PDZRN3: variants seen among roughly 807,000 people sequenced by gnomAD.
The protein encoded by PDZRN3 is E3 ubiquitin-protein ligase PDZRN3.
Under a neutral mutation model 85.7 loss-of-function variants are expected in PDZRN3, and 38 were observed. The ratio of observed to expected loss-of-function variants is 0.44; its 90% CI spans 0.34 to 0.58. The LOEUF (loss-of-function observed/expected upper bound fraction) is 0.58. Among genes scored for constraint, PDZRN3 ranks in the 20% least tolerant of loss-of-function variants. The pLI is 0.01. For missense variants in PDZRN3, 1,629 were observed against 1,506.4 expected, an observed-to-expected ratio of 1.08 and a Z score of -1.35; for synonymous variants, 759 against 638.0, an observed-to-expected ratio of 1.19 and a Z score of -2.86.
intron 3 of PDZRN3, among the ~76,000 whole-genome samples, chr3:73,422,297 C>T (rs1278320999): frequency 1.3e-5 from 2 of 152,198 alleles, no homozygotes; most frequent in South Asian, 2.1e-4. Flanking sequence ...CTGCAACTTA[C>T]CAGCTGTGTG....
chr3:73,415,584 C>T (rs986536973), intron 3 of PDZRN3, among the ~76,000 whole-genome samples: 11 of 152,136 alleles, frequency 7.2e-5, no homozygotes, highest in Non-Finnish European at 1.3e-4. Flanking sequence ...ACTGCACTTT[C>T]GGTATCCACA....
intron 3 of PDZRN3, chr3:73,404,711 C>T: frequency 3.1e-6 from 1 of 318,500 alleles, no homozygotes; most frequent in Non-Finnish European, 5.8e-6. Flanking sequence ...CCTCAGGCTC[C>T]GAGCCTTTAT....
At chr3:73,435,625 TG>T (rs1702516909) in intron 3 of PDZRN3, among the ~76,000 whole-genome samples, 5 of 152,194 alleles carry the variant, frequency 3.3e-5, no homozygotes, top group Admixed American at 3.3e-4. Flanking sequence ...GAGTCTGGTC[TG>T]TTCGACCCCA....
chr3:73,474,556 G>A (rs1181196240), intron 3 of PDZRN3: 1 of 1,286,758 alleles, frequency 7.8e-7, no homozygotes, highest in Non-Finnish European at 1.0e-6. Context: ...TTGACTCAGT[G>A]AAGCAAGGCA....
chr3:73,540,258 A>T (rs1185964259), intron 3 of PDZRN3, among the ~76,000 whole-genome samples: 1 of 151,684 alleles, frequency 6.6e-6, no homozygotes, highest in Admixed American at 6.6e-5. Flanking sequence ...TATATAGCTA[A>T]AAAAAAATGT....
At chr3:73,408,573 TG>T (rs1274878098) in intron 3 of PDZRN3, among the ~76,000 whole-genome samples, 3 of 148,288 alleles carry the variant, frequency 2.0e-5, no homozygotes, top group African/African-American at 7.7e-5. Context: ...GCCCTCGAGT[TG>T]GGATTCTTGG....
chr3:73,394,375 C>T (rs1020122324), intron 5 of PDZRN3, among the ~76,000 whole-genome samples: 2 of 152,118 alleles, frequency 1.3e-5, no homozygotes, highest in African/African-American at 2.4e-5. Flanking sequence ...CTGCGTTTAG[C>T]CTTCAACACC....
intron 3 of PDZRN3, among the ~76,000 whole-genome samples, chr3:73,489,344 T>C (rs151160581): frequency 2.0e-5 from 3 of 152,302 alleles, no homozygotes; most frequent in East Asian, 1.9e-4. Flanking sequence ...TATTTTCATT[T>C]TGCACTGGTC....
intron 3 of PDZRN3, among the ~76,000 whole-genome samples, chr3:73,596,186 C>T (rs1702428195): frequency 6.6e-6 from 1 of 151,942 alleles, no homozygotes; most frequent in African/African-American, 2.4e-5. Flanking sequence ...AATGTGACCA[C>T]CAAATTATAA....
At chr3:73,435,653 T>C (rs115907942) in intron 3 of PDZRN3, among the ~76,000 whole-genome samples, 2,104 of 152,258 alleles carry the variant, frequency 0.014, 46 homozygotes, top group African/African-American at 0.045. Context: ...ATCTCAAACC[T>C]GTCCATTCTG....
intron 8 of PDZRN3, among the ~76,000 whole-genome samples, chr3:73,386,555 T>G (rs759992427): frequency 1.7e-4 from 26 of 152,342 alleles, no homozygotes; most frequent in African/African-American, 5.8e-4. Context: ...TATTCAGAAG[T>G]TGGCACTCTA....
intron 3 of PDZRN3, among the ~76,000 whole-genome samples, chr3:73,466,611 A>C (rs1703223495): frequency 6.6e-6 from 1 of 152,120 alleles, no homozygotes; most frequent in Non-Finnish European, 1.5e-5. Context: ...GAGGAAATAA[A>C]AGACATGCAG....
chr3:73,399,224 C>T (rs1044283176), intron 5 of PDZRN3, among the ~76,000 whole-genome samples: 1 of 152,210 alleles, frequency 6.6e-6, no homozygotes, highest in Admixed American at 6.5e-5. Context: ...TTCTGAAACA[C>T]TTTACAGCTT....
chr3:73,588,331 C>G (rs1051306108), intron 3 of PDZRN3, among the ~76,000 whole-genome samples: 1 of 152,170 alleles, frequency 6.6e-6, no homozygotes, highest in South Asian at 2.1e-4. Context: ...TCCAGGCTAT[C>G]GTTGATGGGC....
chr3:73,521,175 G>A (rs921244644), intron 3 of PDZRN3, among the ~76,000 whole-genome samples: 7 of 152,152 alleles, frequency 4.6e-5, no homozygotes, highest in Non-Finnish European at 8.8e-5. Flanking sequence ...CTGGGTTGCC[G>A]GTGGACTCGT....
chr3:73,516,228 CTTT>C (rs1341449359), intron 3 of PDZRN3, among the ~76,000 whole-genome samples: 4 of 152,180 alleles, frequency 2.6e-5, no homozygotes, highest in Non-Finnish European at 5.9e-5. Context: ...TTGGCACACT[CTTT>C]TGTGATTACA....
Position 73,543,706 on chromosome 3 carries a change from C to T in PDZRN3, c.918+58648G>A, listed in dbSNP as rs141718932. ...AACTATTTAACTTAGAAATGAACTG[C>T]GCTGTAGAGAGTTAGCTCAGCAAAG... On this transcript the variant is annotated intron_variant, in intron 3 of 9. Coordinates refer to ENST00000263666, the MANE Select transcript of PDZRN3 (RefSeq NM_015009.3). 5.4e-3 allele frequency among the ~76,000 whole-genome samples: 829 copies of T among 152,262 alleles called. 5 individuals carry two copies. The highest frequency in any genetic ancestry group is 0.017 in the Middle Eastern group (5 of 294).
chr3:73,522,244 AG>A (rs1157837268), intron 3 of PDZRN3, among the ~76,000 whole-genome samples: 2 of 152,234 alleles, frequency 1.3e-5, no homozygotes, highest in Non-Finnish European at 2.9e-5. Flanking sequence ...CCTGATCGAC[AG>A]TAACACTAAA....
At chr3:73,390,654 T>TGTGTGAGA (rs36036904) in intron 6 of PDZRN3, among the ~76,000 whole-genome samples, 269 of 140,044 alleles carry the variant, frequency 1.9e-3, no homozygotes, top group African/African-American at 6.6e-3. Flanking sequence ...TGTGTGTGTG[T>TGTGTGAGA]GAGAGAGAGA....
Sources: gnomAD v4.1 joint callset for allele counts (sites outside exome capture counted in the v4.1 genomes callset) on GRCh38, gnomAD v4.1.1 for gene constraint, MANE v1.5 for transcripts, NCBI Gene and HGNC (gene_info 2026-07-23, HGNC 2026-07-21) for gene names.